Variants in MEAF6 observed in about 807,000 individuals in gnomAD.
MEAF6 encodes chromatin modification-related protein MEAF6.
MEAF6 carries 15 observed loss-of-function variants against 28.9 expected under a neutral mutation model. The observed-to-expected ratio is 0.52, with a 90% CI of 0.35 to 0.80. The LOEUF (loss-of-function observed/expected upper bound fraction) is 0.80, where lower values mean the gene tolerates loss of function less well. Ranked by LOEUF, MEAF6 falls within the 30% of genes least tolerant of loss-of-function variation. The pLI is 0.01. For missense variants in MEAF6, 178 were observed against 237.5 expected, an observed-to-expected ratio of 0.75 and a Z score of 1.65; for synonymous variants, 97 against 88.7, an observed-to-expected ratio of 1.09 and a Z score of -0.53.
rs772907400 is a variant in MEAF6 at position 37,501,861 on chromosome 1, G to A, written c.476C>T (p.Thr159Ile). The change falls in exon 5 of 7, where the codon ACT becomes ATT. Residue 159 changes from threonine (T) to isoleucine (I), a missense_variant. Transcript: ENST00000296214. ...GVKPQKAASS[T>I]SSGSHHSSHK... ...GCTGCTGTGGTGACTCCCTGAGGAA[G>A]TAGAAGAAGCAGCCTTCTGAGGTTT... 10 of 1,607,128 alleles carry A rather than the reference G, an allele frequency of 6.2e-6. No homozygotes were observed. Among genetic ancestry groups the A allele is most frequent in the Non-Finnish European group, 6.8e-6 (8 of 1,174,734 alleles).
chr1:37,502,608 C>T (rs1642351047), intron 4 of MEAF6, among the ~76,000 whole-genome samples: 3 of 143,476 alleles, frequency 2.1e-5, no homozygotes, highest in South Asian at 2.2e-4. Context: ...ACTTGAACCT[C>T]GTAAGTCTTT....
At chr1:37,509,757 T>A (rs1054451416) in intron 2 of MEAF6, among the ~76,000 whole-genome samples, 11 of 152,190 alleles carry the variant, frequency 7.2e-5, no homozygotes, top group Admixed American at 2.6e-4. Context: ...GTTCATTTTT[T>A]AAATTTATTT....
chr1:37,509,125 G>C (rs922272554), intron 4 of MEAF6, among the ~76,000 whole-genome samples, 153 bp downstream of exon 4: 1 of 152,070 alleles, frequency 6.6e-6, no homozygotes, highest in African/African-American at 2.4e-5. Flanking sequence ...CATGATTAAG[G>C]ATACCCTAAA....
intron 2 of MEAF6, among the ~76,000 whole-genome samples, chr1:37,510,150 C>T (rs1013589561): frequency 3.3e-5 from 5 of 150,212 alleles, no homozygotes; most frequent in Admixed American, 2.0e-4. Context: ...AATCTCAGCT[C>T]GCTGCAACCT....
Position 37,491,724 on chromosome 1 carries a change from AAAT to A in MEAF6, c.*2372_*2374del, listed in dbSNP as rs1641936489. Among the ~76,000 whole-genome samples the A allele has an allele frequency of 6.6e-6, 1 of 150,704 alleles. No individual in the cohort carries two copies. Among genetic ancestry groups the A allele is most frequent in the African/African-American group, 2.4e-5 (1 of 41,164 alleles). On this transcript the variant is annotated 3_prime_UTR_variant, in exon 7 of 7. Transcript: ENST00000296214. The stretch of plus-strand genomic sequence containing the variant: ...TAAATAAATAAATAAATAAATAAAT[AAAT>A]AAAATATATAAATACTTAAATAATC...
In MEAF6 at chr1:37,492,255, C is replaced by G. The variant is rs2148055666; in HGVS notation, c.*1844G>C. On this transcript the variant is annotated 3_prime_UTR_variant, in exon 7 of 7. Transcript: ENST00000296214. ...GTGTTCGCCAGGATGGTCTCGATCT[C>G]CTGACCTCGTGATCCGCCCGCTTCG... Among the ~76,000 whole-genome samples the G allele has an allele frequency of 6.6e-6, 1 of 152,102 alleles. No homozygotes were observed. Among genetic ancestry groups the G allele is most frequent in the Middle Eastern group, 3.4e-3 (1 of 294 alleles).
chr1:37,514,498 C>G, intron 1 of MEAF6, 159 bp downstream of exon 1: 1 of 412,796 alleles, frequency 2.4e-6, no homozygotes, highest in Non-Finnish European at 4.1e-6. Context: ...GAACCGCCGG[C>G]GGGCCGCAGA....
Position 37,514,033 on chromosome 1 carries a change from G to A in MEAF6, c.91-495C>T, listed in dbSNP as rs144598823. 4.7e-3 allele frequency: 828 copies of A among 176,522 alleles called. 7 individuals carry two copies. Among genetic ancestry groups the A allele is most frequent in the African/African-American group, 0.018 (755 of 42,288 alleles). The allele number at this position is 176,522 out of a possible 1,614,324, so 10.9% of individuals were successfully genotyped here. On this transcript the variant is annotated intron_variant, in intron 1 of 6. Coordinates refer to ENST00000296214, the MANE Select transcript of MEAF6 (RefSeq NM_001270875.3). Reference sequence around the variant, plus strand: ...GAGGGGCCTCCCGGGTGCCCAAGCCGAGACGCGGGGGCAGGAAGAGCTTAG... The same window carrying A: ...GAGGGGCCTCCCGGGTGCCCAAGCCAAGACGCGGGGGCAGGAAGAGCTTAG...
intron 5 of MEAF6, among the ~76,000 whole-genome samples, chr1:37,497,591 T>C (rs35732154): frequency 0.13 from 19,767 of 151,280 alleles, 1,585 homozygotes; most frequent in South Asian, 0.18. Flanking sequence ...TATTTATTTA[T>C]TTATTTATTT....
Position 37,495,191 on chromosome 1 carries a change from G to A in MEAF6, c.567+694C>T, listed in dbSNP as rs748189876. Among the ~76,000 whole-genome samples, 49 of 151,848 alleles carry A rather than the reference G, an allele frequency of 3.2e-4. 1 individual carries two copies. The Middle Eastern group carries it at 0.02, about 63-fold the overall frequency. On this transcript the variant is annotated intron_variant, in intron 6 of 6. Coordinates refer to ENST00000296214, the MANE Select transcript of MEAF6 (RefSeq NM_001270875.3). Reference sequence around the variant, plus strand: ...CTACTAAAATACAAAAACTAGCTGGGCATGGTGGCACGCACTGTAATCCCA... The same window carrying A: ...CTACTAAAATACAAAAACTAGCTGGACATGGTGGCACGCACTGTAATCCCA...
chr1:37,497,045 G>T (rs1642147874), intron 5 of MEAF6, among the ~76,000 whole-genome samples: 1 of 152,060 alleles, frequency 6.6e-6, no homozygotes, highest in Non-Finnish European at 1.5e-5. Flanking sequence ...TAATTGTATT[G>T]AAAAATATAA....
At chr1:37,508,011 T>C (rs1267430199) in intron 4 of MEAF6, among the ~76,000 whole-genome samples, 2 of 152,108 alleles carry the variant, frequency 1.3e-5, no homozygotes, top group South Asian at 2.1e-4. Flanking sequence ...CAACAAGATA[T>C]ACCTTCTGAA....
chr1:37,495,719 A>C (rs1486695484), intron 6 of MEAF6, among the ~76,000 whole-genome samples, 166 bp downstream of exon 6: 2 of 132,470 alleles, frequency 1.5e-5, no homozygotes, highest in Non-Finnish European at 3.5e-5. Flanking sequence ...AAAAAAAAAA[A>C]CAAAAAAACC....
At chr1:37,495,106 G>A (rs866028428) in intron 6 of MEAF6, among the ~76,000 whole-genome samples, 7 of 150,910 alleles carry the variant, frequency 4.6e-5, no homozygotes, top group East Asian at 2.0e-4. Context: ...AGGCTGAGGC[G>A]GGTGGATCAC....
chr1:37,505,269 G>A (rs1323714106), intron 4 of MEAF6, among the ~76,000 whole-genome samples: 3 of 152,112 alleles, frequency 2.0e-5, no homozygotes, highest in Non-Finnish European at 2.9e-5. Context: ...AAGAAGTAAA[G>A]GAAAGAGACA....
chr1:37,511,056 T>C (rs755269785), intron 2 of MEAF6, among the ~76,000 whole-genome samples: 1 of 152,218 alleles, frequency 6.6e-6, no homozygotes, highest in Admixed American at 6.5e-5. Flanking sequence ...ATTTAAAAAG[T>C]GGAGAACAGA....
At chr1:37,495,713 A>AAAAC (rs1642108622) in intron 6 of MEAF6, among the ~76,000 whole-genome samples, 172 bp downstream of exon 6, 2 of 133,984 alleles carry the variant, frequency 1.5e-5, no homozygotes, top group African/African-American at 5.2e-5. Context: ...ACAAAAAAAA[A>AAAAC]AAAAAACAAA....
intron 5 of MEAF6, among the ~76,000 whole-genome samples, chr1:37,497,875 AG>A (rs1380651660): frequency 1.3e-5 from 2 of 152,072 alleles, no homozygotes; most frequent in African/African-American, 4.8e-5. Context: ...TACAGGCATG[AG>A]CCACTGCACC....
At position 37,513,413 on chromosome 1, in the gene MEAF6, C is replaced by T. The variant is rs115411814; in HGVS notation, c.206+10G>A. 1.5e-3 allele frequency: 2,466 copies of T among 1,605,806 alleles called. 41 individuals are homozygous for T. The African/African-American group carries it at 0.03, about 19-fold the overall frequency. On this transcript the variant is annotated intron_variant, in intron 2 of 6. Coordinates refer to ENST00000296214, the MANE Select transcript of MEAF6 (RefSeq NM_001270875.3). The stretch of plus-strand genomic sequence containing the variant: ...GCACAATAGGAACACTACAGGCTTT[C>T]GACACTCACTTTTGGTTGGTCAGAT...
Sources: gnomAD v4.1 joint callset for allele counts (sites outside exome capture counted in the v4.1 genomes callset) on GRCh38, gnomAD v4.1.1 for gene constraint, MANE v1.5 for transcripts, NCBI Gene and HGNC (gene_info 2026-07-23, HGNC 2026-07-21) for gene names.